The following GRXCR2 variants were observed in gnomAD, a reference collection of about 807,000 sequenced individuals.
GRXCR2 encodes glutaredoxin domain-containing cysteine-rich protein 2.
In GRXCR2, 23 loss-of-function variants were observed where a neutral mutation model predicts 24.8. The observed-to-expected ratio is 0.93, with a 90% CI of 0.67 to 1.32. The LOEUF (loss-of-function observed/expected upper bound fraction) is 1.32, where lower values mean the gene tolerates loss of function less well. Among genes scored for constraint, GRXCR2 ranks in the 40% most tolerant of loss-of-function variants. GRXCR2 has a pLI of 0.00. For synonymous variants in GRXCR2, 130 were observed against 116.1 expected (o/e 1.12, Z -0.77); for missense variants, 315 against 303.4 (o/e 1.04, Z -0.28).
intron 2 of GRXCR2, among the ~76,000 whole-genome samples, chr5:145,878,576 G>A (rs926974923): frequency 2.6e-5 from 4 of 152,056 alleles, no homozygotes; most frequent in Admixed American, 2.6e-4. Flanking sequence ...TTTGATAGGT[G>A]TACCTGAAAT....
Position 145,872,899 on chromosome 5 carries a change from A to C in GRXCR2, c.70T>G (p.Ser24Ala), listed in dbSNP as rs1260453390. 1 of 1,614,184 alleles carries C rather than the reference A, an allele frequency of 6.2e-7. No homozygotes were observed. Among genetic ancestry groups the C allele is most frequent in the Non-Finnish European group, 8.5e-7 (1 of 1,180,022 alleles). The change falls in exon 1 of 3, where the codon TCC (serine) becomes GCC (alanine). Residue 24 changes from serine to alanine, a missense_variant. Ser to Ala is a moderately conservative substitution (Grantham distance 99). Coordinates refer to ENST00000377976, the MANE Select transcript of GRXCR2 (RefSeq NM_001080516.2). ...AATACTCGACCGCTGTAGGAGGAGG[A>C]GATTTTAAATCGTACTTTCCGGGGT... is the stretch of plus-strand genomic sequence containing the variant. Reference protein sequence around the residue: ...GKPRKVRFKISSSYSGRVLKQ... With the variant: ...GKPRKVRFKIASSYSGRVLKQ...
intron 2 of GRXCR2, among the ~76,000 whole-genome samples, chr5:145,928,905 A>T (rs764768568): frequency 3.0e-5 from 3 of 100,300 alleles, no homozygotes; most frequent in Non-Finnish European, 7.4e-5. Context: ...AAAGTATAAT[A>T]AAAAAAAAGT....
intron 2 of GRXCR2, among the ~76,000 whole-genome samples, chr5:145,930,838 C>A (rs531644422): frequency 7.9e-5 from 12 of 152,308 alleles, no homozygotes; most frequent in Admixed American, 3.3e-4. Flanking sequence ...CTATTATATA[C>A]ATCATCTCAA....
At chr5:145,891,629 G>T (rs376621659) in intron 2 of GRXCR2, among the ~76,000 whole-genome samples, 3 of 152,256 alleles carry the variant, frequency 2.0e-5, no homozygotes, top group South Asian at 2.1e-4. Context: ...TAAACAAAGC[G>T]GCCAGGAAGC....
At chr5:145,900,305 G>A (rs1164712865) in intron 2 of GRXCR2, among the ~76,000 whole-genome samples, 1 of 152,080 alleles carries the variant, frequency 6.6e-6, no homozygotes, top group Non-Finnish European at 1.5e-5. Flanking sequence ...TTCTGGCCAT[G>A]TAAGATGTGC....
chr5:145,869,695 C>T (rs1056610703), intron 1 of GRXCR2, among the ~76,000 whole-genome samples: 6 of 151,954 alleles, frequency 3.9e-5, no homozygotes, highest in Non-Finnish European at 8.8e-5. Flanking sequence ...GTAGCTGGGA[C>T]TACAGGCGCC....
chr5:145,868,905 T>C (rs1756478172), intron 1 of GRXCR2, among the ~76,000 whole-genome samples: 1 of 152,250 alleles, frequency 6.6e-6, no homozygotes, highest in South Asian at 2.1e-4. Context: ...AAAGTTCACG[T>C]TACGTGGTTA....
intron 2 of GRXCR2, among the ~76,000 whole-genome samples, chr5:145,926,205 C>T (rs1186617985): frequency 6.6e-6 from 1 of 151,986 alleles, no homozygotes; most frequent in Non-Finnish European, 1.5e-5. Context: ...GGATTAACGT[C>T]TAATTACAGC....
intron 1 of GRXCR2, among the ~76,000 whole-genome samples, chr5:145,870,591 C>T (rs1041196533): frequency 2.0e-5 from 3 of 152,156 alleles, no homozygotes; most frequent in African/African-American, 7.2e-5. Flanking sequence ...TGAATTATTG[C>T]ACTTAATTGC....
At chr5:145,891,023 CAATGGGTA>C (rs1191644946) in intron 2 of GRXCR2, among the ~76,000 whole-genome samples, 4 of 152,068 alleles carry the variant, frequency 2.6e-5, no homozygotes, top group Non-Finnish European at 5.9e-5. Context: ...TAAAACAGGA[CAATGGGTA>C]AATGACAAAG....
intron 2 of GRXCR2, among the ~76,000 whole-genome samples, chr5:145,893,351 A>G (rs1023980607): frequency 6.6e-6 from 1 of 152,180 alleles, no homozygotes; most frequent in Non-Finnish European, 1.5e-5. Context: ...TCGGATAAAG[A>G]GTCAAGACCC....
upstream of GRXCR2, among the ~76,000 whole-genome samples, chr5:145,877,772 G>A (rs1756640404): frequency 6.6e-6 from 1 of 152,216 alleles, no homozygotes; most frequent in South Asian, 2.1e-4. Flanking sequence ...CCCAGTAGGG[G>A]CCGACAGACA....
chr5:145,903,511 G>T (rs565739104), intron 2 of GRXCR2, among the ~76,000 whole-genome samples: 2 of 133,724 alleles, frequency 1.5e-5, no homozygotes, highest in East Asian at 2.2e-4. Flanking sequence ...GCTGTGGAAA[G>T]AAGATTTGAT....
At position 145,917,653 on chromosome 5, in the gene GRXCR2, C is replaced by T. The variant is rs182334420; in HGVS notation, c.-70+18048G>A. ...ACCTGTCACATCCTCAAGATTGTCCCACTGACAGCTTCTAATGAGATTATT... is the reference window on the plus strand; with the variant it reads ...ACCTGTCACATCCTCAAGATTGTCCTACTGACAGCTTCTAATGAGATTATT... On this transcript the variant is annotated intron_variant, in intron 2 of 3. Coordinates refer to the GRXCR2 transcript ENST00000639411. Among the ~76,000 whole-genome samples the T allele has an allele frequency of 5.9e-5, 9 of 152,256 alleles. No homozygotes were observed. The East Asian group carries it at 1.5e-3, about 26-fold the overall frequency.
intron 2 of GRXCR2, among the ~76,000 whole-genome samples, chr5:145,892,708 G>A (rs1238296568): frequency 3.9e-5 from 6 of 152,230 alleles, no homozygotes; most frequent in Non-Finnish European, 7.3e-5. Context: ...AAAACACTCT[G>A]CAGGATATTA....
chr5:145,926,145 T>A (rs73310115), intron 2 of GRXCR2, among the ~76,000 whole-genome samples: 3,016 of 152,024 alleles, frequency 0.02, 74 homozygotes, highest in African/African-American at 0.059. Flanking sequence ...AGGTTAGGAG[T>A]GAAATGATTT....
At chr5:145,869,768 A>G (rs1196586113) in intron 1 of GRXCR2, among the ~76,000 whole-genome samples, 2 of 152,216 alleles carry the variant, frequency 1.3e-5, no homozygotes, top group Non-Finnish European at 2.9e-5. Context: ...CATGTTAGCC[A>G]GGATGGTCTC....
intron 2 of GRXCR2, among the ~76,000 whole-genome samples, chr5:145,886,606 C>A (rs967724260): frequency 1.3e-5 from 2 of 152,170 alleles, no homozygotes; most frequent in Admixed American, 6.5e-5. Flanking sequence ...TTCTAACTTA[C>A]CATGCATTCC....
chr5:145,887,025 T>A (rs995318403), intron 2 of GRXCR2, among the ~76,000 whole-genome samples: 1 of 152,270 alleles, frequency 6.6e-6, no homozygotes, highest in Non-Finnish European at 1.5e-5. Context: ...GTTCCAATCA[T>A]ATTTAAAAGT....
Sources: gnomAD v4.1 joint callset for allele counts (sites outside exome capture counted in the v4.1 genomes callset) on GRCh38, gnomAD v4.1.1 for gene constraint, MANE v1.5 for transcripts, NCBI Gene and HGNC (gene_info 2026-07-23, HGNC 2026-07-21) for gene names.